Variants in SV2C observed in about 807,000 individuals in gnomAD.
The protein encoded by SV2C is synaptic vesicle glycoprotein 2C.
A neutral mutation model predicts 79.7 loss-of-function variants in SV2C; 49 were observed. The ratio of observed to expected loss-of-function variants is 0.61; its 90% CI spans 0.49 to 0.78. The LOEUF is 0.78. Among genes scored for constraint, SV2C ranks in the 30% least tolerant of loss-of-function variants. The pLI is 0.00. For missense variants in SV2C, 833 were observed against 912.9 expected (o/e 0.91, Z 1.13); for synonymous variants, 334 against 333.2 (o/e 1.00, Z -0.03).
chr5:76,334,583 T>C (rs956689407), downstream of SV2C, among the ~76,000 whole-genome samples: 1 of 152,218 alleles, frequency 6.6e-6, no homozygotes, highest in Non-Finnish European at 1.5e-5. Context: ...TACTGGCTTT[T>C]GTCCCCCTAT....
chr5:76,203,706 A>G (rs1044112213), intron 3 of SV2C, among the ~76,000 whole-genome samples: 1 of 152,216 alleles, frequency 6.6e-6, no homozygotes, highest in African/African-American at 2.4e-5. Flanking sequence ...CCCACAAATT[A>G]TATACTTAAA....
intron 12 of SV2C, among the ~76,000 whole-genome samples, chr5:76,309,922 A>G (rs1474732301): frequency 6.6e-6 from 1 of 152,164 alleles, no homozygotes; most frequent in Non-Finnish European, 1.5e-5. Context: ...GAAGGTAATA[A>G]GTTCCATTTT....
intron 3 of SV2C, among the ~76,000 whole-genome samples, chr5:76,201,906 C>T (rs1038308341): frequency 3.3e-5 from 5 of 150,810 alleles, no homozygotes; most frequent in Admixed American, 1.3e-4. Context: ...TAGTCCCAGC[C>T]ACTCGGGAGG....
intron 4 of SV2C, among the ~76,000 whole-genome samples, chr5:76,265,659 C>T (rs753308883): frequency 1.3e-5 from 2 of 152,120 alleles, no homozygotes; most frequent in East Asian, 1.9e-4. Flanking sequence ...ATGAGAAAAG[C>T]GTAGTATCTG....
intron 2 of SV2C, among the ~76,000 whole-genome samples, chr5:76,165,664 G>C (rs1743024651): frequency 6.6e-6 from 1 of 152,002 alleles, no homozygotes; most frequent in African/African-American, 2.4e-5. Flanking sequence ...ACACCCATCG[G>C]TTGTTATGTG....
the SV2C span, among the ~76,000 whole-genome samples, chr5:76,032,254 TTTATTA>T: frequency 6.6e-6 from 1 of 152,114 alleles, no homozygotes; most frequent in African/African-American, 2.4e-5. Context: ...ATAATCTTTT[TTTATTA>T]TTATTATACT....
chr5:75,920,906 C>A, the SV2C span: 2 of 744,616 alleles, frequency 2.7e-6, no homozygotes, highest in Non-Finnish European at 2.5e-6. Context: ...GCAGGCCCTG[C>A]AGGCCCTGGT....
In SV2C at chr5:76,132,265, T is replaced by A; in HGVS notation, c.515T>A (p.Val172Asp). ...LMADGVEVFV[V>D]GFVLPSAETD... ...GCAGACGGTGTAGAGGTGTTTGTCG[T>A]TGGCTTCGTGTTACCCAGTGCTGAG... The change falls in exon 2 of 13, where the codon GTT becomes GAT. Residue 172 changes from valine to aspartate, a missense_variant. Val to Asp is a radical substitution (Grantham distance 152, BLOSUM62 -3). Transcript: ENST00000502798. The A allele has an allele frequency of 6.2e-7, 1 of 1,614,122 alleles. No homozygotes were observed. Among genetic ancestry groups the A allele is most frequent in the South Asian group, 1.1e-5 (1 of 91,076 alleles).
chr5:76,070,485 G>A, the SV2C span, among the ~76,000 whole-genome samples: 1 of 152,286 alleles, frequency 6.6e-6, no homozygotes, highest in East Asian at 1.9e-4. Flanking sequence ...GACATGCTTT[G>A]TAAGTAAGAA....
intron 2 of SV2C, among the ~76,000 whole-genome samples, chr5:76,181,988 C>A (rs1385516412): frequency 6.6e-6 from 1 of 152,180 alleles, no homozygotes; most frequent in Non-Finnish European, 1.5e-5. Context: ...ACCTTTCCAA[C>A]CTTCTCATGC....
At chr5:75,898,036 T>C in the SV2C span, among the ~76,000 whole-genome samples, 249 of 152,088 alleles carry the variant, frequency 1.6e-3, 1 homozygote, top group Middle Eastern at 0.014. Flanking sequence ...TGACTTCCTC[T>C]TTTCCTAATT....
At chr5:75,916,436 C>A in the SV2C span, among the ~76,000 whole-genome samples, 1 of 147,532 alleles carries the variant, frequency 6.8e-6, no homozygotes, top group Admixed American at 6.7e-5. Flanking sequence ...TCTTCCTCCC[C>A]TTCTCCTCTC....
the SV2C span, among the ~76,000 whole-genome samples, chr5:75,863,281 A>G: frequency 6.6e-6 from 1 of 152,126 alleles, no homozygotes; most frequent in Non-Finnish European, 1.5e-5. Context: ...ATTACCACCA[A>G]AGAACTTATC....
intron 4 of SV2C, among the ~76,000 whole-genome samples, chr5:76,254,714 G>A (rs990032022): frequency 1.4e-4 from 21 of 152,096 alleles, no homozygotes; most frequent in African/African-American, 4.8e-4. Context: ...ACTAATAATT[G>A]TACTAAATCC....
At chr5:75,880,306 G>C in the SV2C span, among the ~76,000 whole-genome samples, 1 of 150,084 alleles carries the variant, frequency 6.7e-6, no homozygotes, top group Non-Finnish European at 1.5e-5. Flanking sequence ...TTATAGCACT[G>C]GCTAGGCTGA....
rs539775401 is a variant in SV2C at position 76,231,125 on chromosome 5, C to T, written c.913+21238C>T. On this transcript the variant is annotated intron_variant, in intron 4 of 12. Coordinates refer to ENST00000502798, the MANE Select transcript of SV2C (RefSeq NM_014979.4). Reference sequence around the variant, plus strand: ...ACAGTCATTTTCCAAGGTTACAAAACACCCCCTCGTCAGTTCAGTTGTTTT... The same window carrying T: ...ACAGTCATTTTCCAAGGTTACAAAATACCCCCTCGTCAGTTCAGTTGTTTT... 5.9e-5 allele frequency among the ~76,000 whole-genome samples: 9 copies of T among 152,298 alleles called. No homozygotes were observed. In the South Asian group the frequency reaches 1.7e-3, roughly 28 times the overall value.
At chr5:76,057,926 C>G in the SV2C span, among the ~76,000 whole-genome samples, 1 of 152,162 alleles carries the variant, frequency 6.6e-6, no homozygotes, top group South Asian at 2.1e-4. Flanking sequence ...TCAGTAATTT[C>G]TTTTTCCTGT....
chr5:76,187,602 T>C (rs1337482659), intron 2 of SV2C, among the ~76,000 whole-genome samples: 2 of 152,200 alleles, frequency 1.3e-5, no homozygotes, highest in East Asian at 3.8e-4. Flanking sequence ...GTTATTACTT[T>C]CTTTGCTTTT....
At chr5:75,927,700 T>A in the SV2C span, among the ~76,000 whole-genome samples, 1 of 152,126 alleles carries the variant, frequency 6.6e-6, no homozygotes, top group Non-Finnish European at 1.5e-5. Context: ...CAAAAGAACA[T>A]AAAGACATTT....
Sources: allele counts gnomAD v4.1 joint callset (sites outside exome capture counted in the v4.1 genomes callset), GRCh38; gene constraint gnomAD v4.1.1; transcripts MANE v1.5; gene names NCBI Gene and HGNC (gene_info 2026-07-23, HGNC 2026-07-21).